The following FRS2 variants were observed in gnomAD, a reference collection of about 807,000 sequenced individuals.
FRS2 encodes fibroblast growth factor receptor substrate 2.
A neutral mutation model predicts 43.9 loss-of-function variants in FRS2; 8 were observed. That is an observed-to-expected ratio of 0.18 (90% CI 0.11 to 0.33). The LOEUF is 0.33. Ranked by LOEUF, FRS2 falls within the 10% of genes least tolerant of loss-of-function variation. The probability of loss-of-function intolerance (pLI) is 1.00; values close to 1 mark genes in which losing one functional copy is unlikely to be tolerated. For synonymous variants in FRS2, 219 were observed against 220.3 expected, an observed-to-expected ratio of 0.99 and a Z score of 0.05; for missense variants, 534 against 627.6, an observed-to-expected ratio of 0.85 and a Z score of 1.59.
chr12:69,533,354 GT>G (rs113350661), intron 3 of FRS2, among the ~76,000 whole-genome samples: 17 of 147,726 alleles, frequency 1.2e-4, no homozygotes, highest in East Asian at 2.0e-4. Flanking sequence ...AGTTGTCTAG[GT>G]TTTTTTTTTT....
chr12:69,474,734 G>A (rs552269372), intron 1 of FRS2, among the ~76,000 whole-genome samples: 1 of 152,254 alleles, frequency 6.6e-6, no homozygotes, highest in South Asian at 2.1e-4. Context: ...GTTTCTTTTG[G>A]ACATTTGTTT....
At chr12:69,569,441 G>A (rs1370723851) in intron 5 of FRS2, among the ~76,000 whole-genome samples, 4 of 152,072 alleles carry the variant, frequency 2.6e-5, no homozygotes. Context: ...TCTACCTCAA[G>A]TCACCCTCTG....
At chr12:69,474,555 C>T (rs1870592340) in intron 1 of FRS2, among the ~76,000 whole-genome samples, 2 of 152,260 alleles carry the variant, frequency 1.3e-5, no homozygotes, top group East Asian at 1.9e-4. Flanking sequence ...TAGGTTCACA[C>T]GGAGTAGAAA....
chr12:69,512,597 T>A (rs531744599), intron 1 of FRS2, among the ~76,000 whole-genome samples: 2 of 152,310 alleles, frequency 1.3e-5, no homozygotes, highest in Non-Finnish European at 2.9e-5. Context: ...ACACTTAAAT[T>A]CATGGTGTTT....
Position 69,579,381 on chromosome 12 carries a change from T to A in FRS2, c.*4426T>A, listed in dbSNP as rs187275485. On this transcript the variant is annotated 3_prime_UTR_variant, in exon 9 of 9. Coordinates refer to ENST00000549921, the MANE Select transcript of FRS2 (RefSeq NM_001278356.2). ...TTTTGTCATGACAACTAATTTTTTT[T>A]ATCTTTGGAGAAGTCAGAGTTCTTT... 18 of 150,622 alleles carry A rather than the reference T, an allele frequency of 1.2e-4. 1 individual carries two copies. In the Admixed American group the frequency reaches 1.2e-3, roughly 10 times the overall value. The allele number at this position is 150,622 out of a possible 1,614,324, so 9.3% of individuals were successfully genotyped here.
At position 69,577,801 on chromosome 12, in the gene FRS2, A is replaced by G. The variant is rs896488954; in HGVS notation, c.*2846A>G. The G allele has an allele frequency of 2.0e-5, 3 of 152,608 alleles. No homozygotes were observed. Among genetic ancestry groups the G allele is most frequent in the African/African-American group, 7.2e-5 (3 of 41,456 alleles). 9.5% of individuals were successfully genotyped at this position (152,608 alleles called of 1,614,324 possible). A position where few individuals can be genotyped will look rare whatever the true frequency, so the allele number is the denominator to read the frequency against. ...TTTTATTTACTGCTGCTGTGGAGTG[A>G]TGAGATATGCACTTTACTCTTTAAG... On this transcript the variant is annotated 3_prime_UTR_variant, in exon 9 of 9. Transcript: ENST00000549921.
chr12:69,499,378 A>T (rs1248003047), intron 1 of FRS2, among the ~76,000 whole-genome samples: 1 of 152,114 alleles, frequency 6.6e-6, no homozygotes, highest in Non-Finnish European at 1.5e-5. Context: ...TTTTTTCTTG[A>T]TGATAAAAAT....
chr12:69,496,335 G>A (rs1368643859), intron 1 of FRS2, among the ~76,000 whole-genome samples: 1 of 152,080 alleles, frequency 6.6e-6, no homozygotes. Context: ...TACTCAGGCG[G>A]CTGAGGCAAG....
intron 1 of FRS2, among the ~76,000 whole-genome samples, chr12:69,496,437 A>G (rs1872906043): frequency 6.6e-6 from 1 of 152,006 alleles, no homozygotes; most frequent in Admixed American, 6.6e-5. Context: ...ACTCCATCTC[A>G]AAAGAAAAAA....
intron 1 of FRS2, among the ~76,000 whole-genome samples, chr12:69,515,672 A>G (rs1446603495): frequency 6.6e-6 from 1 of 152,024 alleles, no homozygotes; most frequent in African/African-American, 2.4e-5. Flanking sequence ...CACACACATT[A>G]CCCTGAAAGC....
intron 1 of FRS2, among the ~76,000 whole-genome samples, chr12:69,478,324 C>G (rs1395115964): frequency 2.0e-5 from 3 of 152,014 alleles, no homozygotes; most frequent in Non-Finnish European, 4.4e-5. Flanking sequence ...TATGTCTATG[C>G]TGTTCAATAT....
intron 1 of FRS2, among the ~76,000 whole-genome samples, chr12:69,471,333 TATG>T (rs1315981250): frequency 6.6e-6 from 1 of 152,216 alleles, no homozygotes; most frequent in Non-Finnish European, 1.5e-5. Context: ...GTCACAGTTG[TATG>T]ATGAGTTCAT....
intron 3 of FRS2, among the ~76,000 whole-genome samples, chr12:69,554,374 G>C (rs1190388043): frequency 3.3e-5 from 5 of 152,036 alleles, no homozygotes; most frequent in Non-Finnish European, 5.9e-5. Context: ...GTGGAGGTAG[G>C]GGAGAGAAAA....
intron 3 of FRS2, among the ~76,000 whole-genome samples, chr12:69,542,573 T>C (rs1381228189): frequency 6.6e-6 from 1 of 152,242 alleles, no homozygotes; most frequent in Non-Finnish European, 1.5e-5. Flanking sequence ...ATATTTAAAC[T>C]AATATTGTTT....
chr12:69,571,635 G>T (rs1373267600), intron 7 of FRS2, among the ~76,000 whole-genome samples: 1 of 152,204 alleles, frequency 6.6e-6, no homozygotes, highest in Non-Finnish European at 1.5e-5. Context: ...GCTGAGGCGG[G>T]CAGATCACTA....
chr12:69,504,836 C>T (rs1873778838), intron 1 of FRS2, among the ~76,000 whole-genome samples: 1 of 152,090 alleles, frequency 6.6e-6, no homozygotes, highest in Non-Finnish European at 1.5e-5. Flanking sequence ...TGGTAGAAGC[C>T]TAATCCCCCA....
In FRS2 at chr12:69,519,676, G is replaced by C. The variant is rs145199644; in HGVS notation, c.-260-11189G>C. Among the ~76,000 whole-genome samples the C allele has an allele frequency of 1.2e-4, 18 of 152,270 alleles. No individual in the cohort carries two copies. In the East Asian group the frequency reaches 3.3e-3, roughly 28 times the overall value. Reference sequence around the variant, plus strand: ...ATGGGGTATTTGGTTTTCTGTTCCTGTGTTAGTTTGCTTAGGATAATGGCC... The same window carrying C: ...ATGGGGTATTTGGTTTTCTGTTCCTCTGTTAGTTTGCTTAGGATAATGGCC... On this transcript the variant is annotated intron_variant, in intron 1 of 8. Transcript: ENST00000549921.
intron 1 of FRS2, among the ~76,000 whole-genome samples, chr12:69,519,585 T>A (rs1875420660): frequency 9.4e-6 from 1 of 106,912 alleles, no homozygotes. Context: ...AGGCCACAGT[T>A]GTCTGTTGTT....
At chr12:69,553,229 G>A (rs1328961998) in intron 3 of FRS2, among the ~76,000 whole-genome samples, 4 of 151,786 alleles carry the variant, frequency 2.6e-5, no homozygotes, top group Non-Finnish European at 5.9e-5. Flanking sequence ...CCACCTCCAC[G>A]CCCGGCTAAT....
Sources: allele counts gnomAD v4.1 joint callset (sites outside exome capture counted in the v4.1 genomes callset), GRCh38; gene constraint gnomAD v4.1.1; transcripts MANE v1.5; gene names NCBI Gene and HGNC (gene_info 2026-07-23, HGNC 2026-07-21).